XIAP: variants seen among roughly 807,000 people sequenced by gnomAD.
The protein encoded by XIAP is E3 ubiquitin-protein ligase XIAP.
XIAP carries 3 observed loss-of-function variants against 33.1 expected under a neutral mutation model. The observed-to-expected ratio is 0.09, with a 90% confidence interval of 0.04 to 0.23. XIAP has a LOEUF of 0.23. XIAP is among the 10% of genes least tolerant of loss of function. The probability of loss-of-function intolerance (pLI) is 1.00; values close to 1 mark genes in which losing one functional copy is unlikely to be tolerated. For missense variants in XIAP, 264 were observed against 363.0 expected (o/e 0.73, Z 2.22); for synonymous variants, 98 against 121.3 (o/e 0.81, Z 1.26).
rs769070898 is a variant in XIAP, at chrX:123,909,190, G to A, written c.*2009G>A. 30 of 274,508 alleles carry A rather than the reference G, an allele frequency of 1.1e-4. No individual in the cohort carries two copies. The highest frequency in any genetic ancestry group is 9.6e-4 in the South Asian group (28 of 29,218). The allele number at this position is 274,508 out of a possible 1,213,427, so 22.6% of individuals were successfully genotyped here. A position where few individuals can be genotyped will look rare whatever the true frequency, so the allele number is the denominator to read the frequency against. On this transcript the variant is annotated 3_prime_UTR_variant, in exon 7 of 7. Coordinates refer to ENST00000371199, the MANE Select transcript of XIAP (RefSeq NM_001167.4). ...ATTACAGGCAGGTGCCACCATGCCCGACTAATTTTTTTTTATTTTTAGTAG... is the reference window on the plus strand; with the variant it reads ...ATTACAGGCAGGTGCCACCATGCCCAACTAATTTTTTTTTATTTTTAGTAG...
intron 5 of XIAP, among the ~76,000 whole-genome samples, chrX:123,894,528 G>T (rs1429335603): frequency 1.8e-5 from 2 of 112,106 alleles, no homozygotes; most frequent in African/African-American, 3.2e-5. Context: ...CAGCACTTTG[G>T]GAGGCCAAGG....
chrX:123,899,394 A>G (rs2053497017), intron 5 of XIAP, among the ~76,000 whole-genome samples: 1 of 104,386 alleles, frequency 9.6e-6, no homozygotes, highest in Non-Finnish European at 1.9e-5. Flanking sequence ...GTTAAAATAT[A>G]TATTAAATAT....
chrX:123,866,320 G>A (rs2053134625), intron 1 of XIAP, among the ~76,000 whole-genome samples: 1 of 107,477 alleles, frequency 9.3e-6, no homozygotes, highest in Admixed American at 1.1e-4. Flanking sequence ...TGATCTGCCC[G>A]CCTTGGCCTC....
chrX:123,873,034 A>AT (rs35818460), intron 1 of XIAP: 35,922 of 99,343 alleles, frequency 0.36, 5,475 homozygotes, highest in African/African-American at 0.43. Flanking sequence ...CTAATTTTTA[A>AT]TTTTTTTTTT....
At chrX:123,903,056 A>G (rs2053527057) in intron 6 of XIAP, among the ~76,000 whole-genome samples, 1 of 110,921 alleles carries the variant, frequency 9.0e-6, no homozygotes. Flanking sequence ...GAAAAGATCT[A>G]TGCCCAGAAT....
intron 1 of XIAP, among the ~76,000 whole-genome samples, chrX:123,875,810 C>T (rs1038290611): frequency 2.7e-5 from 3 of 110,296 alleles, no homozygotes; most frequent in Admixed American, 9.7e-5. Context: ...CTCAGCCTCC[C>T]GAGTAGCTGG....
chrX:123,911,495 T>C lies in XIAP; in HGVS notation c.*4314T>C, dbSNP rs1447527865. Reference sequence around the variant, plus strand: ...TCTGTCTCAAAAAAAAAAAAAGATATAAATCACAATAAATAAATAGGTCAA... The same window carrying C: ...TCTGTCTCAAAAAAAAAAAAAGATACAAATCACAATAAATAAATAGGTCAA... On this transcript the variant is annotated 3_prime_UTR_variant, in exon 7 of 7. Transcript: ENST00000371199. 1.0e-5 allele frequency: 3 copies of C among 299,079 alleles called. No individual in the cohort carries two copies. The highest frequency in any genetic ancestry group is 1.9e-5 in the Non-Finnish European group (3 of 160,689). The allele number at this position is 299,079 out of a possible 1,213,427, so 24.6% of individuals were successfully genotyped here.
intron 6 of XIAP, among the ~76,000 whole-genome samples, chrX:123,901,587 C>T (rs894193060): frequency 1.8e-5 from 2 of 111,918 alleles, no homozygotes; most frequent in Non-Finnish European, 3.8e-5. Context: ...TTATTTTTGA[C>T]GCATTTAAGA....
chrX:123,896,579 C>CTTTT (rs749486443), intron 5 of XIAP, among the ~76,000 whole-genome samples: 1 of 97,291 alleles, frequency 1.0e-5, no homozygotes, highest in African/African-American at 3.7e-5. Context: ...TGTGGGTTTC[C>CTTTT]TTTTTTTTTT....
intron 6 of XIAP, among the ~76,000 whole-genome samples, chrX:123,903,631 GT>G (rs1335889944): frequency 2.9e-5 from 1 of 34,505 alleles, no homozygotes; most frequent in African/African-American, 1.1e-4. Flanking sequence ...TTTTTTTTTT[GT>G]TTTGTTTTTT....
intron 1 of XIAP, among the ~76,000 whole-genome samples, chrX:123,865,318 G>A (rs1251271715): frequency 1.8e-5 from 2 of 111,536 alleles, no homozygotes; most frequent in Non-Finnish European, 3.8e-5. Context: ...CCACAGTACA[G>A]GTTATTGACT....
At chrX:123,894,606 T>C (rs1376250885) in intron 5 of XIAP, among the ~76,000 whole-genome samples, 4 of 110,590 alleles carry the variant, frequency 3.6e-5, no homozygotes, top group Non-Finnish European at 7.6e-5. Flanking sequence ...CCGTCTCTAC[T>C]AAAAATACAA....
chrX:123,872,347 GCA>G (rs1324997326), intron 1 of XIAP, among the ~76,000 whole-genome samples: 1 of 100,823 alleles, frequency 9.9e-6, no homozygotes, highest in Admixed American at 1.1e-4. Context: ...TTTTTTTTTG[GCA>G]CACTAGTGTC....
intron 1 of XIAP, among the ~76,000 whole-genome samples, chrX:123,868,662 G>T (rs1313126327): frequency 9.0e-6 from 1 of 111,666 alleles, no homozygotes; most frequent in Non-Finnish European, 1.9e-5. Context: ...AGCCCAGGAG[G>T]TGGAGGTTGC....
At chrX:123,865,882 G>A (rs1405175787) in intron 1 of XIAP, among the ~76,000 whole-genome samples, 1 of 110,183 alleles carries the variant, frequency 9.1e-6, no homozygotes, top group Non-Finnish European at 1.9e-5. Flanking sequence ...AGCCTCCCAA[G>A]TAGCTGGGAT....
intron 1 of XIAP, among the ~76,000 whole-genome samples, chrX:123,882,506 C>T (rs1454461272): frequency 5.4e-5 from 6 of 111,637 alleles, no homozygotes; most frequent in Non-Finnish European, 9.4e-5. Flanking sequence ...TTTATCATCC[C>T]GATTGCTCCC....
At chrX:123,902,554 T>G (rs1188347093) in intron 6 of XIAP, among the ~76,000 whole-genome samples, 1 of 112,050 alleles carries the variant, frequency 8.9e-6, no homozygotes, top group Non-Finnish European at 1.9e-5. Flanking sequence ...CTAGATTTAG[T>G]GCTAAACTTT....
chrX:123,866,439 GATATATA>G (rs1257309044), intron 1 of XIAP, among the ~76,000 whole-genome samples: 2 of 98,349 alleles, frequency 2.0e-5, no homozygotes, highest in African/African-American at 7.6e-5. Context: ...TATTATACAT[GATATATA>G]ATATATATGA....
At chrX:123,872,555 G>A (rs774700134) in intron 1 of XIAP, 2 of 109,992 alleles carry the variant, frequency 1.8e-5, no homozygotes, top group East Asian at 5.8e-4. Flanking sequence ...CGGGCATGGT[G>A]GCGCGCCCCT....
Sources: allele counts gnomAD v4.1 joint callset (sites outside exome capture counted in the v4.1 genomes callset), GRCh38; gene constraint gnomAD v4.1.1; transcripts MANE v1.5; gene names NCBI Gene and HGNC (gene_info 2026-07-23, HGNC 2026-07-21).